TBXAS1: variants seen among roughly 807,000 people sequenced by gnomAD.
The protein encoded by TBXAS1 is thromboxane-A synthase.
Under a neutral mutation model 60.7 loss-of-function variants are expected in TBXAS1, and 48 were observed. That is an observed-to-expected ratio of 0.79 (90% confidence interval 0.63 to 1.01). TBXAS1 has a LOEUF of 1.01. Among genes scored for constraint, TBXAS1 ranks in the 50% least tolerant of loss-of-function variants. The probability of loss-of-function intolerance (pLI) is 0.00; values close to 1 mark genes in which losing one functional copy is unlikely to be tolerated. For synonymous variants in TBXAS1, 287 were observed against 269.7 expected (o/e 1.06, Z -0.63); for missense variants, 685 against 686.3 (o/e 1.00, Z 0.02).
intron 4 of TBXAS1, among the ~76,000 whole-genome samples, chr7:139,818,669 C>T (rs75507995): frequency 5.3e-5 from 8 of 152,282 alleles, no homozygotes; most frequent in African/African-American, 1.7e-4. Context: ...GGTCGCAGTG[C>T]CCCCTTTGCA....
At chr7:139,906,757 A>G (rs891632070) in intron 3 of TBXAS1, among the ~76,000 whole-genome samples, 1 of 84,890 alleles carries the variant, frequency 1.2e-5, no homozygotes, top group Admixed American at 1.3e-4. Flanking sequence ...CATGAACATG[A>G]TATGTTTCTC....
intron 2 of TBXAS1, among the ~76,000 whole-genome samples, chr7:139,872,628 T>A (rs1300528017): frequency 1.3e-5 from 2 of 152,170 alleles, no homozygotes; most frequent in Non-Finnish European, 2.9e-5. Flanking sequence ...CACTTTAGCC[T>A]GGGCAACAAG....
At chr7:139,987,271 G>C (rs1045816188) in intron 9 of TBXAS1, among the ~76,000 whole-genome samples, 2 of 152,186 alleles carry the variant, frequency 1.3e-5, no homozygotes, top group Non-Finnish European at 2.9e-5. Context: ...AGAAAAGCAA[G>C]AGGAAGCTGT....
chr7:139,984,924 G>T (rs1438985991), intron 9 of TBXAS1, among the ~76,000 whole-genome samples: 1 of 121,522 alleles, frequency 8.2e-6, no homozygotes, highest in African/African-American at 4.2e-5. Flanking sequence ...AAGAAAGAAG[G>T]AAAGAAAGAA....
At chr7:139,974,655 A>G (rs566002518) in intron 9 of TBXAS1, among the ~76,000 whole-genome samples, 1 of 152,330 alleles carries the variant, frequency 6.6e-6, no homozygotes, top group Non-Finnish European at 1.5e-5. Context: ...AAACGAGTTA[A>G]GAATACACGT....
At chr7:139,786,212 A>G (rs991997111) in intron 3 of TBXAS1, among the ~76,000 whole-genome samples, 1 of 151,570 alleles carries the variant, frequency 6.6e-6, no homozygotes. Flanking sequence ...CAGTTTTCTC[A>G]TCTATAGAGT....
At chr7:139,949,957 C>T (rs1047764760) in intron 5 of TBXAS1, among the ~76,000 whole-genome samples, 11 of 151,758 alleles carry the variant, frequency 7.2e-5, no homozygotes, top group Non-Finnish European at 1.2e-4. Context: ...GACCAATGAA[C>T]TGAAGGGAGG....
At chr7:140,002,913 C>G (rs1318920605) in intron 9 of TBXAS1, among the ~76,000 whole-genome samples, 1 of 152,076 alleles carries the variant, frequency 6.6e-6, no homozygotes, top group East Asian at 2.0e-4. Flanking sequence ...TGCCTGAGGT[C>G]AGGAGTTCGA....
At chr7:139,918,150 T>C (rs891196987) in intron 4 of TBXAS1, among the ~76,000 whole-genome samples, 1 of 152,348 alleles carries the variant, frequency 6.6e-6, no homozygotes, top group Non-Finnish European at 1.5e-5. Context: ...AGTAGTATGG[T>C]GAAATGTCTT....
chr7:139,806,682 G>A (rs1166647009), intron 4 of TBXAS1, among the ~76,000 whole-genome samples: 1 of 152,054 alleles, frequency 6.6e-6, no homozygotes, highest in Non-Finnish European at 1.5e-5. Flanking sequence ...CCTGCTTCCT[G>A]AAACACTCTT....
intron 9 of TBXAS1, among the ~76,000 whole-genome samples, chr7:139,969,213 AAC>A (rs1811012758): frequency 6.6e-6 from 1 of 152,224 alleles, no homozygotes; most frequent in Non-Finnish European, 1.5e-5. Context: ...GGATAATTTG[AAC>A]ACAGTTATGC....
At chr7:139,805,701 T>C (rs1413567233) in intron 4 of TBXAS1, among the ~76,000 whole-genome samples, 1 of 38,220 alleles carries the variant, frequency 2.6e-5, no homozygotes, top group African/African-American at 1.1e-4. Flanking sequence ...TTTCTTTCTT[T>C]CTTTCTTTCT....
At chr7:139,807,247 C>T (rs1382438586) in intron 4 of TBXAS1, among the ~76,000 whole-genome samples, 1 of 152,198 alleles carries the variant, frequency 6.6e-6, no homozygotes, top group Non-Finnish European at 1.5e-5. Flanking sequence ...TGCTCTGCCA[C>T]CCAGGCTGGA....
chr7:139,937,437 A>G (rs984783933), intron 5 of TBXAS1, among the ~76,000 whole-genome samples: 3 of 152,212 alleles, frequency 2.0e-5, no homozygotes, highest in African/African-American at 7.2e-5. Context: ...AGGGGGTTCC[A>G]CACCTCATTA....
rs142285839 is a variant in TBXAS1, at chr7:139,981,612, C to T, written c.1134+19379C>T. Among the ~76,000 whole-genome samples the T allele has an allele frequency of 1.4e-3, 218 of 152,282 alleles. 1 individual carries two copies. Among genetic ancestry groups the T allele is most frequent in the Non-Finnish European group, 2.7e-3 (185 of 68,030 alleles). ...TGCACAGGGTTGATTGGTTGGAGGCCGCCAACCTCTAGCTGAAAGGCAGAG... is the reference window on the plus strand; with the variant it reads ...TGCACAGGGTTGATTGGTTGGAGGCTGCCAACCTCTAGCTGAAAGGCAGAG... On this transcript the variant is annotated intron_variant, in intron 9 of 12. Coordinates refer to ENST00000448866, the MANE Select transcript of TBXAS1 (RefSeq NM_001061.7).
chr7:139,826,662 T>C (rs117514687), upstream of TBXAS1, among the ~76,000 whole-genome samples: 5 of 152,192 alleles, frequency 3.3e-5, no homozygotes, highest in Non-Finnish European at 5.9e-5. Flanking sequence ...CCTCTGTAAC[T>C]TGGGGCTAAC....
intron 1 of TBXAS1, among the ~76,000 whole-genome samples, chr7:139,837,729 G>A (rs1199669612): frequency 6.6e-6 from 1 of 152,108 alleles, no homozygotes; most frequent in Non-Finnish European, 1.5e-5. Context: ...TTTGGGTGAT[G>A]GGTGCACCAA....
chr7:139,931,532 G>A (rs1569515187), intron 4 of TBXAS1, among the ~76,000 whole-genome samples: 1 of 152,206 alleles, frequency 6.6e-6, no homozygotes, highest in Admixed American at 6.5e-5. Context: ...GTTCCACGTG[G>A]CTGGGGAGGC....
chr7:139,855,186 C>T (rs1236610295), intron 1 of TBXAS1, among the ~76,000 whole-genome samples: 1 of 152,160 alleles, frequency 6.6e-6, no homozygotes, highest in Non-Finnish European at 1.5e-5. Context: ...TTCTCAGCTT[C>T]CATAACTGTA....
Sources: allele counts gnomAD v4.1 joint callset (sites outside exome capture counted in the v4.1 genomes callset), GRCh38; gene constraint gnomAD v4.1.1; transcripts MANE v1.5; gene names NCBI Gene and HGNC (gene_info 2026-07-23, HGNC 2026-07-21).